The following PCDH7 variants were observed in gnomAD, a reference collection of about 807,000 sequenced individuals.
PCDH7 encodes protocadherin-7.
In PCDH7, 17 loss-of-function variants were observed where a neutral mutation model predicts 58.9. The ratio of observed to expected loss-of-function variants is 0.29; its 90% confidence interval spans 0.20 to 0.43. The LOEUF is 0.43. PCDH7 is among the 20% of genes least tolerant of loss of function. The probability of loss-of-function intolerance (pLI) is 1.00; values close to 1 mark genes in which losing one functional copy is unlikely to be tolerated. For missense variants in PCDH7, 1,274 were observed against 1,441.0 expected, an observed-to-expected ratio of 0.88 and a Z score of 1.88; for synonymous variants, 664 against 616.4, an observed-to-expected ratio of 1.08 and a Z score of -1.14.
At chr4:31,095,440 C>G (rs575039082) in intron 3 of PCDH7, among the ~76,000 whole-genome samples, 2 of 152,248 alleles carry the variant, frequency 1.3e-5, no homozygotes, top group Non-Finnish European at 1.5e-5. Flanking sequence ...TCTGCAGGCC[C>G]TTGGAGGAAA....
At chr4:31,053,050 T>G (rs1359154937) in intron 3 of PCDH7, among the ~76,000 whole-genome samples, 1 of 152,100 alleles carries the variant, frequency 6.6e-6, no homozygotes, top group African/African-American at 2.4e-5. Context: ...AGAAATCAGA[T>G]GCCAGATTCC....
chr4:31,120,743 G>A (rs1243229560), intron 3 of PCDH7, among the ~76,000 whole-genome samples: 1 of 152,094 alleles, frequency 6.6e-6, no homozygotes, highest in Non-Finnish European at 1.5e-5. Context: ...TTAGAAAGCA[G>A]GTATGGTTAC....
chr4:31,138,396 C>T (rs1719874664), intron 3 of PCDH7, among the ~76,000 whole-genome samples: 1 of 152,120 alleles, frequency 6.6e-6, no homozygotes, highest in Admixed American at 6.5e-5. Context: ...CTGTGCTACT[C>T]AGATTTTTTT....
chr4:31,020,439 T>A (rs1028059898), intron 3 of PCDH7, among the ~76,000 whole-genome samples: 2 of 152,188 alleles, frequency 1.3e-5, no homozygotes, highest in African/African-American at 4.8e-5. Flanking sequence ...CTGATATGAG[T>A]ACTTAAGAGA....
chr4:30,929,994 A>G (rs140978514), intron 2 of PCDH7, among the ~76,000 whole-genome samples: 1 of 152,306 alleles, frequency 6.6e-6, no homozygotes, highest in Non-Finnish European at 1.5e-5. Context: ...TTGAGTATTT[A>G]TTTTATGCAA....
chr4:31,143,803 A>T (rs143710170), downstream of PCDH7: 12 of 152,290 alleles, frequency 7.9e-5, no homozygotes, highest in East Asian at 2.3e-3. Context: ...ACAATCAAAC[A>T]CTAGTTCATT....
At chr4:31,129,088 AC>A (rs1354706244) in intron 3 of PCDH7, among the ~76,000 whole-genome samples, 3 of 152,174 alleles carry the variant, frequency 2.0e-5, no homozygotes, top group African/African-American at 7.2e-5. Context: ...CCTTCATTCA[AC>A]CATTCAACAG....
intron 3 of PCDH7, among the ~76,000 whole-genome samples, chr4:31,020,197 G>A (rs920120436): frequency 6.6e-6 from 1 of 152,156 alleles, no homozygotes; most frequent in African/African-American, 2.4e-5. Flanking sequence ...ATAAACAGTG[G>A]CATTCCTCAG....
At chr4:30,809,055 A>G (rs2109312009) in intron 1 of PCDH7, among the ~76,000 whole-genome samples, 1 of 152,344 alleles carries the variant, frequency 6.6e-6, no homozygotes, top group South Asian at 2.1e-4. Context: ...CACTCTTGAA[A>G]AGATACAAAT....
chr4:30,778,544 A>G (rs1025660568), intron 1 of PCDH7, among the ~76,000 whole-genome samples: 5 of 152,172 alleles, frequency 3.3e-5, no homozygotes, highest in African/African-American at 7.2e-5. Context: ...CTCTTCAAAA[A>G]TAAAAGGAGA....
intron 3 of PCDH7, among the ~76,000 whole-genome samples, chr4:30,986,967 G>C (rs1283020486): frequency 6.7e-6 from 1 of 148,600 alleles, no homozygotes; most frequent in Non-Finnish European, 1.5e-5. Flanking sequence ...ACGACAGAGC[G>C]AGATTCCGTC....
chr4:30,726,969 A>G (rs1460683914), intron 1 of PCDH7, among the ~76,000 whole-genome samples: 2 of 151,920 alleles, frequency 1.3e-5, no homozygotes, highest in Non-Finnish European at 2.9e-5. Context: ...TTTAAAATAT[A>G]TGACCTTTAA....
At chr4:30,725,329 C>T (rs192095395) in intron 1 of PCDH7, 1 of 978,320 alleles carries the variant, frequency 1.0e-6, no homozygotes, top group South Asian at 4.8e-5. Flanking sequence ...TTGCATGAGC[C>T]ATTTATTATT....
At position 30,949,568 on chromosome 4, in the gene PCDH7, G is replaced by A. The variant is rs181174160; in HGVS notation, c.288-552G>A. Among the ~76,000 whole-genome samples, 77 of 152,170 alleles carry A rather than the reference G, an allele frequency of 5.1e-4. 1 individual carries two copies. The highest frequency in any genetic ancestry group is 4.6e-3 in the Admixed American group (70 of 15,260). ...ACATTTTAAAAACTTTTATTAGTTT[G>A]ACCTCCTCCAGTATATAGGGATTCT... On this transcript the variant is annotated intron_variant, in intron 2 of 3. Transcript: ENST00000509759.
intron 1 of PCDH7, among the ~76,000 whole-genome samples, chr4:30,811,774 A>T (rs888545782): frequency 2.6e-5 from 4 of 152,218 alleles, no homozygotes; most frequent in Non-Finnish European, 5.9e-5. Context: ...AAGGCAAAAG[A>T]GCCTAGGGGC....
At chr4:30,870,139 T>A (rs1735386155) in intron 1 of PCDH7, among the ~76,000 whole-genome samples, 1 of 152,116 alleles carries the variant, frequency 6.6e-6, no homozygotes, top group South Asian at 2.1e-4. Flanking sequence ...TTGTTTGTTT[T>A]TTTCTTGTAA....
chr4:30,756,542 C>A (rs953697347), intron 1 of PCDH7, among the ~76,000 whole-genome samples: 4 of 152,188 alleles, frequency 2.6e-5, no homozygotes, highest in Non-Finnish European at 5.9e-5. Flanking sequence ...TGTGCTGACA[C>A]CCCGAATACG....
chr4:30,843,159 T>G (rs1296266976), intron 1 of PCDH7, among the ~76,000 whole-genome samples: 1 of 152,086 alleles, frequency 6.6e-6, no homozygotes, highest in Non-Finnish European at 1.5e-5. Flanking sequence ...ATCTTTTTTT[T>G]GGACACTTCT....
At chr4:31,036,993 A>AC (rs962022285) in intron 3 of PCDH7, among the ~76,000 whole-genome samples, 6 of 151,734 alleles carry the variant, frequency 4.0e-5, no homozygotes. Flanking sequence ...GGAAAGATCC[A>AC]CCCCCCTGAT....
Sources: gnomAD v4.1 joint callset for allele counts (sites outside exome capture counted in the v4.1 genomes callset) on GRCh38, gnomAD v4.1.1 for gene constraint, MANE v1.5 for transcripts, NCBI Gene and HGNC (gene_info 2026-07-23, HGNC 2026-07-21) for gene names.